LGI1: variants seen among roughly 807,000 people sequenced by gnomAD.
The protein encoded by LGI1 is leucine-rich glioma-inactivated protein 1.
Under a neutral mutation model 57.7 loss-of-function variants are expected in LGI1, and 11 were observed. That is an observed-to-expected ratio of 0.19 (90% CI 0.12 to 0.32). The LOEUF (loss-of-function observed/expected upper bound fraction) is 0.32. Among genes scored for constraint, LGI1 ranks in the 10% least tolerant of loss-of-function variants. The pLI, the probability that LGI1 is intolerant of heterozygous loss-of-function variation, is 1.00. For synonymous variants in LGI1, 222 were observed against 241.9 expected (o/e 0.92, Z 0.76); for missense variants, 422 against 661.9 (o/e 0.64, Z 3.98).
chr10:93,789,224 A>T (rs991245109), intron 4 of LGI1: 4 of 152,240 alleles, frequency 2.6e-5, no homozygotes, highest in African/African-American at 9.6e-5. Flanking sequence ...GGATGATTAA[A>T]GAGAATAGAT....
intron 2 of LGI1, chr10:93,777,145 T>C (rs113444409): frequency 1.7e-6 from 1 of 605,254 alleles, no homozygotes; most frequent in African/African-American, 1.9e-5. Context: ...CCAGGGTATG[T>C]GGCAGTCATT....
intron 2 of LGI1, chr10:93,777,080 TTGCTTTGGC>T (rs1469083350): frequency 6.0e-6 from 3 of 502,598 alleles, no homozygotes; most frequent in Non-Finnish European, 7.2e-6. Context: ...ATGTAAAATG[TTGCTTTGGC>T]TGCTTTGGCT....
At chr10:93,780,331 C>T (rs1167835763) in intron 4 of LGI1, 1 of 152,330 alleles carries the variant, frequency 6.6e-6, no homozygotes, top group South Asian at 2.1e-4. Context: ...TCTGCCGGCT[C>T]AGTAAGTCAG....
chr10:93,778,527 A>T (rs28754359), intron 4 of LGI1, among the ~76,000 whole-genome samples: 5,213 of 152,276 alleles, frequency 0.034, 312 homozygotes, highest in African/African-American at 0.12. Context: ...AATCCTGCCA[A>T]ACAGGCACAA....
Position 93,777,418 on chromosome 10 carries a change from T to C in LGI1, c.327T>C (p.Asp109=), listed in dbSNP as rs1245324867. The C allele has an allele frequency of 1.9e-6, 3 of 1,614,050 alleles. No individual in the cohort carries two copies. Among genetic ancestry groups the C allele is most frequent in the Non-Finnish European group, 2.5e-6 (3 of 1,180,004 alleles). ...ACTCCTTTGATGTGATCAGTGATGATGCTTTTATTGGTCTTCCACATCTAG... is the reference window on the plus strand; with the variant it reads ...ACTCCTTTGATGTGATCAGTGATGACGCTTTTATTGGTCTTCCACATCTAG... ...TSNSFDVISD[D]AFIGLPHLEY... is the part of the protein sequence containing the mutation. The change falls in exon 3 of 8, where the codon GAT becomes GAC. Residue 109 remains aspartate, a synonymous_variant. Coordinates refer to ENST00000371418, the MANE Select transcript of LGI1 (RefSeq NM_005097.4).
At position 93,792,916 on chromosome 10, in the gene LGI1, A is replaced by G; in HGVS notation, c.673+4A>G. Reference sequence around the variant, plus strand: ...GATTTTGATTGCATCATTACAGGTAATGTACTCATCATCATTCCACCTCAA... The same window carrying G: ...GATTTTGATTGCATCATTACAGGTAGTGTACTCATCATCATTCCACCTCAA... On this transcript the variant is annotated splice_donor_region_variant and intron_variant, in intron 6 of 7. Transcript: ENST00000371418. 6.2e-7 allele frequency: 1 copy of G among 1,613,230 alleles called. No homozygotes were observed. Among genetic ancestry groups the G allele is most frequent in the Non-Finnish European group, 8.5e-7 (1 of 1,179,202 alleles).
intron 4 of LGI1, among the ~76,000 whole-genome samples, chr10:93,780,619 G>A (rs1185516626): frequency 6.6e-6 from 1 of 152,196 alleles, no homozygotes; most frequent in African/African-American, 2.4e-5. Context: ...TAGGTTCATA[G>A]ATGAACGAGC....
In LGI1 at chr10:93,797,719, T is replaced by C. The variant is rs1318391890; in HGVS notation, c.1590T>C (p.Ile530=). The C allele has an allele frequency of 2.5e-6, 4 of 1,612,754 alleles. No homozygotes were observed. The highest frequency in any genetic ancestry group is 3.4e-6 in the Non-Finnish European group (4 of 1,180,030). The part of the protein sequence containing the change: ...QAPRSFTHVS[I]NKRNFLFASS... ...CAAGATCATTCACACATGTGTCCAT[T>C]AATAAGCGTAATTTTCTTTTTGCTT... The change falls in exon 8 of 8, where the codon ATT becomes ATC. Residue 530 remains isoleucine, a synonymous_variant. Transcript: ENST00000371418. The surrounding 1 kb of genome is among the most constrained non-coding windows in gnomAD (Gnocchi z 6.5).
In LGI1 at chr10:93,758,195, A is replaced by C; in HGVS notation, c.51A>C (p.Lys17Asn). 6.2e-7 allele frequency: 1 copy of C among 1,614,196 alleles called. No homozygotes were observed. The change falls in exon 1 of 8, where the codon AAA becomes AAC. Residue 17 changes from lysine to asparagine, a missense_variant. Around this residue, in one of 3 missense-constraint regions of LGI1, gnomAD observed 58 missense variants for 61.8 expected, o/e 0.94. Transcript: ENST00000371418. This position sits in a 1 kb window ranked among gnomAD's most constrained non-coding sequence, Gnocchi z 4.7. ...KRMGNACIPLKRIAYFLCLLS... is the reference protein window; with the variant it reads ...KRMGNACIPLNRIAYFLCLLS... ...TGGGAAATGCCTGCATTCCCCTGAA[A>C]AGAATTGCTTATTTCCTATGTCTCT...
rs1468105939 is a variant in LGI1, at chr10:93,758,620, G to A, written c.216-140G>A. 3 of 714,488 alleles carry A rather than the reference G, an allele frequency of 4.2e-6. No individual in the cohort carries two copies. The African/African-American group carries it at 5.3e-5, about 13-fold the overall frequency. The allele number at this position is 714,488 out of a possible 1,614,324, so 44.3% of individuals were successfully genotyped here. On this transcript the variant is annotated intron_variant, in intron 1 of 7. Coordinates refer to ENST00000371418, the MANE Select transcript of LGI1 (RefSeq NM_005097.4). The surrounding 1 kb of genome is among the most constrained non-coding windows in gnomAD (Gnocchi z 4.7). Reference sequence around the variant, plus strand: ...TCATTTCTCTTACTTCATCTGGGAAGGAATAGTATCGTACTTCATAAAATA... The same window carrying A: ...TCATTTCTCTTACTTCATCTGGGAAAGAATAGTATCGTACTTCATAAAATA...
chr10:93,788,916 G>A (rs1218410041), intron 4 of LGI1: 1 of 21,598 alleles, frequency 4.6e-5, no homozygotes, highest in Non-Finnish European at 2.8e-4. Context: ...TATTTTTATT[G>A]TGGAAAAAAA....
chr10:93,768,441 T>C (rs2059701801), intron 2 of LGI1: 2 of 152,190 alleles, frequency 1.3e-5, no homozygotes, highest in South Asian at 4.1e-4. Flanking sequence ...CATTTGAGGA[T>C]TAAAATCAGA....
intron 2 of LGI1, among the ~76,000 whole-genome samples, chr10:93,766,093 A>G (rs1226425872): frequency 6.6e-6 from 1 of 152,208 alleles, no homozygotes; most frequent in Non-Finnish European, 1.5e-5. Context: ...GGTTATTAAT[A>G]CAATAATTGT....
Position 93,797,219 on chromosome 10 carries a change from G to A in LGI1, c.1090G>A (p.Gly364Arg), listed in dbSNP as rs2059988169. The A allele has an allele frequency of 1.9e-6, 3 of 1,614,134 alleles. No homozygotes were observed. The highest frequency in any genetic ancestry group is 2.5e-6 in the Non-Finnish European group (3 of 1,180,032). Residue 364 changes from glycine (G) to arginine (R), a missense_variant, in exon 8 of 8, where the codon GGA (glycine) becomes AGA (arginine). Gly to Arg is a moderately radical substitution (Grantham distance 125). This residue lies in a region of LGI1 where 301 missense variants were observed against 461.7 expected (regional missense o/e 0.65). Coordinates refer to ENST00000371418, the MANE Select transcript of LGI1 (RefSeq NM_005097.4). This position sits in a 1 kb window ranked among gnomAD's most constrained non-coding sequence, Gnocchi z 6.5. ...TTTTACTACCATTTACAAATGGAAC[G>A]GAAACGGATTCTACTCCCATCAATC... is the stretch of plus-strand genomic sequence containing the variant. The part of the protein sequence containing the change: ...AGFTTIYKWN[G>R]NGFYSHQSLH...
chr10:93,786,197 AG>A (rs1323083931), intron 4 of LGI1, among the ~76,000 whole-genome samples: 1 of 47,132 alleles, frequency 2.1e-5, no homozygotes, highest in African/African-American at 3.0e-5. Context: ...TCCCCGCTGC[AG>A]GAGGTCTTGT....
chr10:93,777,827 C>T (rs2059807395), intron 4 of LGI1, among the ~76,000 whole-genome samples: 1 of 152,172 alleles, frequency 6.6e-6, no homozygotes, highest in Non-Finnish European at 1.5e-5. Flanking sequence ...CCAAAACCAA[C>T]CACAATTAGA....
chr10:93,794,009 CTTTTTTTTTCTTTTTT>C (rs1244379716), intron 7 of LGI1: 1 of 112,250 alleles, frequency 8.9e-6, no homozygotes, highest in Non-Finnish European at 1.7e-5. Context: ...TTTCTTTTTT[CTTTTTTTTTCTTTTTT>C]TTTTTTTTTT....
chr10:93,783,557 G>A (rs1467969914), intron 4 of LGI1, among the ~76,000 whole-genome samples: 1 of 152,128 alleles, frequency 6.6e-6, no homozygotes, highest in African/African-American at 2.4e-5. Flanking sequence ...GTCCACACCA[G>A]CTGGTGGGGA....
intron 2 of LGI1, chr10:93,766,942 G>A (rs2059686509): frequency 6.6e-6 from 1 of 152,156 alleles, no homozygotes; most frequent in Non-Finnish European, 1.5e-5. Flanking sequence ...AGCAGAGTTG[G>A]AGTTTAAACC....
Sources: allele counts gnomAD v4.1 joint callset (sites outside exome capture counted in the v4.1 genomes callset), GRCh38; gene constraint gnomAD v4.1.1; regional missense constraint gnomAD v4.1.1; non-coding constraint Gnocchi (gnomAD v3.1); transcripts MANE v1.5; gene names NCBI Gene and HGNC (gene_info 2026-07-23, HGNC 2026-07-21).